The following GALNTL6 variants were observed in gnomAD, a reference collection of about 807,000 sequenced individuals.
GALNTL6 encodes polypeptide N-acetylgalactosaminyltransferase like 6, also known as polypeptide N-acetylgalactosaminyltransferase-like 6.
In GALNTL6, 46 loss-of-function variants were observed where a neutral mutation model predicts 73.7. The ratio of observed to expected loss-of-function variants is 0.62; its 90% CI spans 0.49 to 0.80. The LOEUF is 0.80. GALNTL6 is among the 30% of genes least tolerant of loss of function. The pLI is 0.00. For missense variants in GALNTL6, 604 were observed against 755.0 expected (o/e 0.80, Z 2.34); for synonymous variants, 259 against 263.7 (o/e 0.98, Z 0.17).
chr4:172,016,614 T>C (rs1485885832), intron 2 of GALNTL6, among the ~76,000 whole-genome samples: 3 of 152,106 alleles, frequency 2.0e-5, no homozygotes, highest in Non-Finnish European at 4.4e-5. Flanking sequence ...GCTAGGAAGC[T>C]AGTGTGATAT....
chr4:172,969,347 A>G (rs1270300563), intron 10 of GALNTL6, among the ~76,000 whole-genome samples: 1 of 152,172 alleles, frequency 6.6e-6, no homozygotes, highest in Admixed American at 6.5e-5. Context: ...ATTTGGAACA[A>G]TAAGTGAAGG....
At chr4:172,562,535 GTGT>G (rs1168675313) in intron 5 of GALNTL6, among the ~76,000 whole-genome samples, 3 of 152,172 alleles carry the variant, frequency 2.0e-5, no homozygotes, top group Admixed American at 1.3e-4. Flanking sequence ...CAGAGATGTG[GTGT>G]TGTCCCTCAA....
intron 2 of GALNTL6, among the ~76,000 whole-genome samples, chr4:172,051,544 T>G (rs1730866600): frequency 6.6e-6 from 1 of 152,086 alleles, no homozygotes; most frequent in South Asian, 2.1e-4. Context: ...GTGGCTGATC[T>G]CCTCTCTGAT....
In GALNTL6 at chr4:172,504,175, A is replaced by AAAAAAAAAAAAAAAAAAAAAAAC. The variant is rs1363544210; in HGVS notation, c.553+155490_553+155491insAAAAAAAAAAAAAAAAAACAAAA. On this transcript the variant is annotated intron_variant, in intron 5 of 12. Coordinates refer to ENST00000506823, the MANE Select transcript of GALNTL6 (RefSeq NM_001034845.3). ...ACTCTGTCTCAAAAAAAAAAAAAAA[A>AAAAAAAAAAAAAAAAAAAAAAAC]AAAACTCACACCTTGTTGATATTGG... Among the ~76,000 whole-genome samples the AAAAAAAAAAAAAAAAAAAAAAAC allele has an allele frequency of 3.3e-4, 13 of 39,318 alleles. 2 individuals carry two copies. Among genetic ancestry groups the AAAAAAAAAAAAAAAAAAAAAAAC allele is most frequent in the African/African-American group, 9.2e-4 (12 of 13,020 alleles). The allele number at this position is 39,318 out of a possible 152,430, so 25.8% of individuals were successfully genotyped here. A position where few individuals can be genotyped will look rare whatever the true frequency, so the allele number is the denominator to read the frequency against.
chr4:172,391,602 C>A (rs1444304468), intron 5 of GALNTL6, among the ~76,000 whole-genome samples: 1 of 152,182 alleles, frequency 6.6e-6, no homozygotes, highest in Non-Finnish European at 1.5e-5. Context: ...TTATTACCAT[C>A]AAATTGGCCA....
chr4:172,134,000 C>A (rs988971425), intron 2 of GALNTL6, among the ~76,000 whole-genome samples: 3 of 152,060 alleles, frequency 2.0e-5, no homozygotes, highest in African/African-American at 7.2e-5. Context: ...TCTGACAAGT[C>A]CTCAGAAAAT....
chr4:172,823,309 T>A (rs960198806), intron 7 of GALNTL6, among the ~76,000 whole-genome samples: 20 of 152,344 alleles, frequency 1.3e-4, no homozygotes, highest in African/African-American at 4.8e-4. Context: ...TCTGCTCTCC[T>A]CTTTGCTTTC....
At chr4:172,206,777 T>TTTTTG (rs1736125151) in intron 2 of GALNTL6, among the ~76,000 whole-genome samples, 3 of 95,674 alleles carry the variant, frequency 3.1e-5, no homozygotes, top group Admixed American at 1.2e-4. Context: ...TGAAACGTGT[T>TTTTTG]TTTTGTTTTG....
chr4:172,354,034 G>C (rs903973388), intron 5 of GALNTL6, among the ~76,000 whole-genome samples: 1 of 152,064 alleles, frequency 6.6e-6, no homozygotes, highest in African/African-American at 2.4e-5. Flanking sequence ...TGTGAAAAAG[G>C]TTGTAAAACC....
intron 5 of GALNTL6, among the ~76,000 whole-genome samples, chr4:172,624,368 T>C (rs1739075330): frequency 6.6e-6 from 1 of 152,012 alleles, no homozygotes; most frequent in South Asian, 2.1e-4. Context: ...TGTGTGGTTT[T>C]TGGTTCTTGT....
chr4:171,922,499 A>G lies in GALNTL6; in HGVS notation c.138+107781A>G, dbSNP rs1737822496. On this transcript the variant is annotated intron_variant, in intron 2 of 12. Coordinates refer to ENST00000506823, the MANE Select transcript of GALNTL6 (RefSeq NM_001034845.3). ...ACTAAATGTACTGGATAAGGGATTC[A>G]TGAAATAGTGACACATATTTTTATT... is the stretch of plus-strand genomic sequence containing the variant. Among the ~76,000 whole-genome samples the G allele has an allele frequency of 2.0e-5, 3 of 151,506 alleles. No individual in the cohort carries two copies. In the East Asian group the frequency reaches 5.8e-4, roughly 29 times the overall value.
At position 172,891,936 on chromosome 4, in the gene GALNTL6, T is replaced by G. The variant is rs147980535; in HGVS notation, c.1041+9029T>G. ...TTAAGACTTCCAACAGTATTTGAAA[T>G]TTTCATAGTGAATTTTTCAATTCCG... On this transcript the variant is annotated intron_variant, in intron 8 of 12. Transcript: ENST00000506823. 3.9e-3 allele frequency among the ~76,000 whole-genome samples: 594 copies of G among 152,306 alleles called. 2 individuals carry two copies. The highest frequency in any genetic ancestry group is 0.014 in the African/African-American group (565 of 41,568).
chr4:172,037,910 G>A (rs1014306713), intron 2 of GALNTL6, among the ~76,000 whole-genome samples: 1 of 152,060 alleles, frequency 6.6e-6, no homozygotes, highest in African/African-American at 2.4e-5. Flanking sequence ...CTAAGGTCAG[G>A]AGTTTGAGAC....
At chr4:172,201,761 T>G (rs1027478597) in intron 2 of GALNTL6, among the ~76,000 whole-genome samples, 5 of 152,148 alleles carry the variant, frequency 3.3e-5, no homozygotes, top group African/African-American at 1.2e-4. Context: ...AAAAGAAAAC[T>G]ATGACATTAA....
chr4:172,255,229 T>C (rs927435102), intron 3 of GALNTL6, among the ~76,000 whole-genome samples: 13 of 151,476 alleles, frequency 8.6e-5, no homozygotes, highest in African/African-American at 3.1e-4. Context: ...CCTCACTTAA[T>C]TGATAGCCCT....
intron 6 of GALNTL6, among the ~76,000 whole-genome samples, chr4:172,811,568 A>G (rs1455199163): frequency 1.3e-5 from 2 of 152,254 alleles, no homozygotes; most frequent in Non-Finnish European, 2.9e-5. Context: ...ATTACTGAAT[A>G]GAAATACCAT....
intron 8 of GALNTL6, among the ~76,000 whole-genome samples, chr4:172,919,782 G>T (rs1258536439): frequency 6.6e-6 from 1 of 152,054 alleles, no homozygotes; most frequent in Middle Eastern, 3.2e-3. Flanking sequence ...GAAATGACAG[G>T]TTAGGTCCTT....
intron 2 of GALNTL6, among the ~76,000 whole-genome samples, chr4:171,946,327 A>G (rs1310429000): frequency 6.6e-6 from 1 of 152,232 alleles, no homozygotes; most frequent in Non-Finnish European, 1.5e-5. Context: ...TGACTAAAAT[A>G]GGAAAAGTAC....
intron 2 of GALNTL6, among the ~76,000 whole-genome samples, chr4:171,832,187 G>A (rs370280639): frequency 6.6e-6 from 1 of 151,120 alleles, no homozygotes; most frequent in Non-Finnish European, 1.5e-5. Context: ...TTAAAATAAT[G>A]TGTTTTTAAA....
Sources: allele counts gnomAD v4.1 joint callset (sites outside exome capture counted in the v4.1 genomes callset), GRCh38; gene constraint gnomAD v4.1.1; transcripts MANE v1.5; gene names NCBI Gene and HGNC (gene_info 2026-07-23, HGNC 2026-07-21).